Variants in VPS41 observed in about 807,000 individuals in gnomAD.
VPS41 encodes vacuolar protein sorting-associated protein 41 homolog.
A neutral mutation model predicts 130.9 loss-of-function variants in VPS41; 85 were observed. The observed-to-expected ratio is 0.65, with a 90% CI of 0.55 to 0.78. VPS41 has a LOEUF of 0.78. Among genes scored for constraint, VPS41 ranks in the 30% least tolerant of loss-of-function variants. The pLI is 0.00. For synonymous variants in VPS41, 335 were observed against 332.9 expected (o/e 1.01, Z -0.07); for missense variants, 874 against 1,018.7 (o/e 0.86, Z 1.93).
At chr7:38,900,442 A>G (rs1405215970) in intron 1 of VPS41, among the ~76,000 whole-genome samples, 2 of 152,136 alleles carry the variant, frequency 1.3e-5, no homozygotes, top group African/African-American at 4.8e-5. Flanking sequence ...TGGATACAAT[A>G]TATATTATTC....
chr7:38,904,528 A>C (rs1787213072), intron 1 of VPS41, among the ~76,000 whole-genome samples: 1 of 152,220 alleles, frequency 6.6e-6, no homozygotes, highest in South Asian at 2.1e-4. Flanking sequence ...AATTGTGCAT[A>C]CGTAAGCCAA....
At chr7:38,781,822 C>T (rs1486893429) in intron 10 of VPS41, among the ~76,000 whole-genome samples, 1 of 152,158 alleles carries the variant, frequency 6.6e-6, no homozygotes, top group African/African-American at 2.4e-5. Flanking sequence ...TTTTCAAATT[C>T]TGATTTCTTA....
At chr7:38,767,459 A>G in intron 15 of VPS41, 78 bp downstream of exon 15, 1 of 944,366 alleles carries the variant, frequency 1.1e-6, no homozygotes, top group Non-Finnish European at 1.6e-6. Context: ...GTCAACTGCA[A>G]AGAATGGCTT....
chr7:38,765,021 T>G (rs539493297), intron 16 of VPS41, among the ~76,000 whole-genome samples: 9 of 152,156 alleles, frequency 5.9e-5, no homozygotes, highest in African/African-American at 2.2e-4. Flanking sequence ...AAAGCATATT[T>G]ATAACTTGAA....
chr7:38,831,349 A>C (rs146080668), intron 4 of VPS41: 1 of 422,582 alleles, frequency 2.4e-6, no homozygotes, highest in African/African-American at 2.1e-5. Flanking sequence ...GTTAAATTAA[A>C]ATTCGATAAA....
chr7:38,880,668 G>A (rs955664032), intron 2 of VPS41, among the ~76,000 whole-genome samples: 2 of 152,188 alleles, frequency 1.3e-5, no homozygotes, highest in Non-Finnish European at 2.9e-5. Flanking sequence ...GTAAAGAACT[G>A]TGATGACATG....
At position 38,774,177 on chromosome 7, in the gene VPS41, A is replaced by T; in HGVS notation, c.950T>A (p.Ile317Asn). 2 of 1,610,040 alleles carry T rather than the reference A, an allele frequency of 1.2e-6. No individual in the cohort carries two copies. Among genetic ancestry groups the T allele is most frequent in the Non-Finnish European group, 1.7e-6 (2 of 1,177,030 alleles). Reference sequence around the variant, plus strand: ...TCTGACTGTCAAAGCATCAGAAGAGATCTCTTCACAAGTCTCAGAAAGTGG... The same window carrying T: ...TCTGACTGTCAAAGCATCAGAAGAGTTCTCTTCACAAGTCTCAGAAAGTGG... Reference protein sequence around the residue: ...IQPLSETCEEISSDALTVRGF... With the variant: ...IQPLSETCEENSSDALTVRGF... Residue 317 changes from isoleucine (I) to asparagine (N), a missense_variant, in exon 12 of 29, where the codon ATC becomes AAC. Physicochemically the swap from Ile to Asn is moderately radical, Grantham distance 149. Transcript: ENST00000310301.
At chr7:38,743,134 G>C (rs1434785138) in intron 24 of VPS41, among the ~76,000 whole-genome samples, 2 of 152,072 alleles carry the variant, frequency 1.3e-5, no homozygotes, top group Admixed American at 6.6e-5. Flanking sequence ...GCTTGCAGCA[G>C]GTAAAAATAT....
chr7:38,823,844 C>A (rs1015500802), intron 5 of VPS41, among the ~76,000 whole-genome samples: 1 of 152,180 alleles, frequency 6.6e-6, no homozygotes, highest in African/African-American at 2.4e-5. Flanking sequence ...CCCCCCATCA[C>A]CTGCTGCTCA....
intron 2 of VPS41, among the ~76,000 whole-genome samples, chr7:38,880,347 T>C (rs1158091957): frequency 2.6e-5 from 4 of 152,202 alleles, no homozygotes; most frequent in Non-Finnish European, 4.4e-5. Context: ...CTTTTTATTT[T>C]ACCACATCAT....
chr7:38,743,561 G>T lies in VPS41; in HGVS notation c.1982-19C>A. The T allele has an allele frequency of 6.2e-7, 1 of 1,608,160 alleles. No individual in the cohort carries two copies. Among genetic ancestry groups the T allele is most frequent in the Non-Finnish European group, 8.5e-7 (1 of 1,176,880 alleles). ...ATTCGGCCTTGGTGGGGTGAAGATG[G>T]GAGAAAGAGTTCATTTAAGGTATTT... On this transcript the variant is annotated intron_variant, in intron 23 of 28. Coordinates refer to ENST00000310301, the MANE Select transcript of VPS41 (RefSeq NM_014396.4).
chr7:38,866,377 A>T (rs1004215724), intron 3 of VPS41, among the ~76,000 whole-genome samples: 7 of 152,208 alleles, frequency 4.6e-5, no homozygotes, highest in Non-Finnish European at 5.9e-5. Flanking sequence ...AGATTCTTTT[A>T]TTTACTCTGT....
intron 1 of VPS41, among the ~76,000 whole-genome samples, chr7:38,902,349 C>T (rs939975218): frequency 1.3e-5 from 2 of 152,206 alleles, no homozygotes; most frequent in East Asian, 1.9e-4. Flanking sequence ...ACCTGTGACC[C>T]TCCAGCCACA....
intron 1 of VPS41, among the ~76,000 whole-genome samples, chr7:38,907,332 T>C (rs574526254): frequency 2.0e-5 from 3 of 152,244 alleles, no homozygotes; most frequent in South Asian, 2.1e-4. Flanking sequence ...GTACAGCTGA[T>C]GCAGAGTCAC....
chr7:38,874,683 C>CA lies in VPS41; in HGVS notation c.61-5431dup, dbSNP rs991397096. Among the ~76,000 whole-genome samples, 59 of 151,822 alleles carry CA rather than the reference C, an allele frequency of 3.9e-4. 1 individual carries two copies. The highest frequency in any genetic ancestry group is 1.5e-3 in the Admixed American group (23 of 15,250). ...AAAGAAATTCACACACAAACACACA[C>CA]AAAAAAAACCTTTCATGCAGTTTGA... On this transcript the variant is annotated intron_variant, in intron 2 of 28. Transcript: ENST00000310301.
chr7:38,881,778 C>T (rs1190939350), intron 2 of VPS41, among the ~76,000 whole-genome samples: 2 of 152,268 alleles, frequency 1.3e-5, no homozygotes, highest in East Asian at 3.9e-4. Context: ...GGACACAACA[C>T]CAGCTTGACA....
chr7:38,855,497 C>T (rs1377925022), intron 4 of VPS41, among the ~76,000 whole-genome samples: 1 of 152,144 alleles, frequency 6.6e-6, no homozygotes, highest in East Asian at 1.9e-4. Context: ...GGTCGAGTCC[C>T]AAAGTCCAGG....
chr7:38,842,969 C>T (rs1275319317), intron 4 of VPS41, among the ~76,000 whole-genome samples: 1 of 152,108 alleles, frequency 6.6e-6, no homozygotes, highest in Admixed American at 6.5e-5. Context: ...GATGAAGCTC[C>T]CAAGGGAACA....
intron 14 of VPS41, among the ~76,000 whole-genome samples, chr7:38,768,065 G>A (rs1399193738): frequency 1.3e-5 from 2 of 152,126 alleles, no homozygotes; most frequent in African/African-American, 2.4e-5. Context: ...AGGAAATAGG[G>A]AATATTAAAG....
Sources: gnomAD v4.1 joint callset for allele counts (sites outside exome capture counted in the v4.1 genomes callset) on GRCh38, gnomAD v4.1.1 for gene constraint, MANE v1.5 for transcripts, NCBI Gene and HGNC (gene_info 2026-07-23, HGNC 2026-07-21) for gene names.